DCTN6: variants seen among roughly 807,000 people sequenced by gnomAD.
DCTN6 encodes the protein dynactin subunit 6.
DCTN6 carries 15 observed loss-of-function variants against 25.8 expected under a neutral mutation model. The observed-to-expected ratio is 0.58, with a 90% confidence interval of 0.39 to 0.89. The LOEUF is 0.89. Ranked by LOEUF, DCTN6 falls within the 40% of genes least tolerant of loss-of-function variation. DCTN6 has a pLI of 0.00. For missense variants in DCTN6, 198 were observed against 237.6 expected, an observed-to-expected ratio of 0.83 and a Z score of 1.09; for synonymous variants, 64 against 78.3, an observed-to-expected ratio of 0.82 and a Z score of 0.96.
chr8:30,170,592 A>G (rs952195597), intron 2 of DCTN6, among the ~76,000 whole-genome samples: 2 of 152,100 alleles, frequency 1.3e-5, no homozygotes, highest in African/African-American at 4.8e-5. Flanking sequence ...AATAGCTCAC[A>G]TATTATTTTT....
intron 4 of DCTN6, among the ~76,000 whole-genome samples, chr8:30,177,867 GAC>G (rs1337451824): frequency 6.6e-6 from 1 of 152,202 alleles, no homozygotes; most frequent in Non-Finnish European, 1.5e-5. Flanking sequence ...GACAAACGCA[GAC>G]ACACACATAT....
At position 30,169,361 on chromosome 8, in the gene DCTN6, TAGAC is replaced by T. The variant is rs577456181; in HGVS notation, c.88+5189_88+5192del. Among the ~76,000 whole-genome samples, 664 of 152,300 alleles carry T rather than the reference TAGAC, an allele frequency of 4.4e-3. 4 individuals are homozygous for T. The highest frequency in any genetic ancestry group is 0.015 in the African/African-American group (628 of 41,550). On this transcript the variant is annotated intron_variant, in intron 2 of 6. Coordinates refer to ENST00000221114, the MANE Select transcript of DCTN6 (RefSeq NM_006571.4). ...CAAAGATTGCTTTCTGTGGCAAAGA[TAGAC>T]AGGAAAAGTGTCCTTTACCAGGGAA...
At chr8:30,166,561 G>C (rs1344851763) in intron 2 of DCTN6, among the ~76,000 whole-genome samples, 1 of 152,054 alleles carries the variant, frequency 6.6e-6, no homozygotes, top group Non-Finnish European at 1.5e-5. Context: ...GGTGGGGGGG[G>C]TATGTATTTC....
At chr8:30,162,158 C>T (rs188292788) in intron 1 of DCTN6, among the ~76,000 whole-genome samples, 147 of 149,400 alleles carry the variant, frequency 9.8e-4, no homozygotes, top group Non-Finnish European at 1.4e-3. Context: ...GGCGCTACCT[C>T]GGCTCACTGC....
chr8:30,174,794 G>A (rs970342850), intron 2 of DCTN6, among the ~76,000 whole-genome samples: 21 of 152,278 alleles, frequency 1.4e-4, no homozygotes, highest in African/African-American at 4.8e-4. Flanking sequence ...GACTGGTGTT[G>A]TCATCACCTC....
chr8:30,162,720 A>C (rs1324353415), intron 1 of DCTN6, among the ~76,000 whole-genome samples: 1 of 152,184 alleles, frequency 6.6e-6, no homozygotes, highest in Non-Finnish European at 1.5e-5. Context: ...TTATATGGAA[A>C]TTATTAGAGT....
At chr8:30,182,795 C>T (rs1585507713) in intron 6 of DCTN6, among the ~76,000 whole-genome samples, 1 of 151,686 alleles carries the variant, frequency 6.6e-6, no homozygotes, top group African/African-American at 2.4e-5. Flanking sequence ...TGGGCTCAAA[C>T]AATCCACCTG....
At position 30,183,228 on chromosome 8, in the gene DCTN6, G is replaced by A; in HGVS notation, c.*55G>A. Reference sequence around the variant, plus strand: ...TGTCTTTGACCACTGTCTTTTGAATGGGCCCACAGTGTTTATGTACTCTTA... The same window carrying A: ...TGTCTTTGACCACTGTCTTTTGAATAGGCCCACAGTGTTTATGTACTCTTA... On this transcript the variant is annotated 3_prime_UTR_variant, in exon 7 of 7. Transcript: ENST00000221114. The A allele has an allele frequency of 7.1e-7, 1 of 1,405,892 alleles. No homozygotes were observed. 87.1% of individuals were successfully genotyped at this position (1,405,892 alleles called of 1,614,324 possible). A position where few individuals can be genotyped will look rare whatever the true frequency, so the allele number is the denominator to read the frequency against.
At chr8:30,161,899 C>G (rs182777850) in intron 1 of DCTN6, among the ~76,000 whole-genome samples, 325 of 151,208 alleles carry the variant, frequency 2.1e-3, no homozygotes, top group Non-Finnish European at 3.4e-3. Context: ...AGGCGCCCAC[C>G]ACCACGCCCG....
At chr8:30,177,032 TA>T in intron 3 of DCTN6, 93 bp from the exon 4 acceptor site, 1 of 883,016 alleles carries the variant, frequency 1.1e-6, no homozygotes, top group Non-Finnish European at 1.8e-6. Context: ...TTGATGTAGG[TA>T]AAATTGAAAG....
intron 1 of DCTN6, among the ~76,000 whole-genome samples, chr8:30,159,883 C>G (rs979744535): frequency 2.0e-5 from 3 of 151,976 alleles, no homozygotes; most frequent in African/African-American, 7.2e-5. Context: ...CGCCTCAGCC[C>G]CCCAAGTAGC....
At chr8:30,166,743 G>T (rs1585500829) in intron 2 of DCTN6, among the ~76,000 whole-genome samples, 1 of 151,932 alleles carries the variant, frequency 6.6e-6, no homozygotes, top group Non-Finnish European at 1.5e-5. Flanking sequence ...ACTACATTGT[G>T]GTCCTCCCCC....
At chr8:30,159,169 C>A (rs1454881632) in intron 1 of DCTN6, among the ~76,000 whole-genome samples, 2 of 152,134 alleles carry the variant, frequency 1.3e-5, no homozygotes, top group African/African-American at 4.8e-5. Context: ...CAGAGCCTAA[C>A]AAAATGATGG....
At position 30,178,355 on chromosome 8, in the gene DCTN6, C is replaced by T. The variant is rs183859694; in HGVS notation, c.284-1053C>T. ...GTACATGCCTGTAATCCCAGCTACT[C>T]GGGAGGCTGAGGCAGGAGAATCACT... On this transcript the variant is annotated intron_variant, in intron 4 of 6. Coordinates refer to ENST00000221114, the MANE Select transcript of DCTN6 (RefSeq NM_006571.4). Among the ~76,000 whole-genome samples the T allele has an allele frequency of 3.7e-3, 562 of 151,276 alleles. 9 individuals carry two copies. The highest frequency in any genetic ancestry group is 0.026 in the South Asian group (126 of 4,774).
chr8:30,180,825 A>C, intron 6 of DCTN6, 195 bp downstream of exon 6: 1 of 639,024 alleles, frequency 1.6e-6, no homozygotes, highest in South Asian at 2.2e-5. Context: ...TGAGGGCAGG[A>C]ATTTAAGAGC....
intron 2 of DCTN6, among the ~76,000 whole-genome samples, chr8:30,171,416 A>G (rs73242317): frequency 0.076 from 11,538 of 151,620 alleles, 637 homozygotes; most frequent in East Asian, 0.17. Flanking sequence ...TAACTGGCCA[A>G]TTTTTTTTTA....
chr8:30,174,524 TG>T lies in DCTN6; in HGVS notation c.89-557del, dbSNP rs1257526048. Among the ~76,000 whole-genome samples the T allele has an allele frequency of 2.0e-5, 3 of 152,014 alleles. No individual in the cohort carries two copies. In the East Asian group the frequency reaches 5.8e-4, roughly 29 times the overall value. On this transcript the variant is annotated intron_variant, in intron 2 of 6. Coordinates refer to ENST00000221114, the MANE Select transcript of DCTN6 (RefSeq NM_006571.4). ...TAATTTTAGTATTTTTTGGTACAGA[TG>T]GGGTTTCGCCATGTTGGTCAGGCTG...
chr8:30,158,281 G>A (rs1381083158), intron 1 of DCTN6, among the ~76,000 whole-genome samples: 1 of 152,170 alleles, frequency 6.6e-6, no homozygotes, highest in Non-Finnish European at 1.5e-5. Context: ...ATGGAAAATT[G>A]CAATGAGAAA....
intron 3 of DCTN6, 23 bp downstream of exon 3, chr8:30,175,213 G>A: frequency 1.3e-6 from 2 of 1,596,312 alleles, no homozygotes; most frequent in East Asian, 2.2e-5. Flanking sequence ...TACATACTGT[G>A]AACCAAGTAC....
Sources: allele counts gnomAD v4.1 joint callset (sites outside exome capture counted in the v4.1 genomes callset), GRCh38; gene constraint gnomAD v4.1.1; transcripts MANE v1.5; gene names NCBI Gene and HGNC (gene_info 2026-07-23, HGNC 2026-07-21).